MAX: variants seen among roughly 807,000 people sequenced by gnomAD.
MAX encodes the protein MYC associated transcriptional regulator X, also known as protein max.
Under a neutral mutation model 22.3 loss-of-function variants are expected in MAX, and 3 were observed. The ratio of observed to expected loss-of-function variants is 0.13; its 90% confidence interval spans 0.06 to 0.35. The LOEUF (loss-of-function observed/expected upper bound fraction) is 0.35, where lower values mean the gene tolerates loss of function less well. MAX is among the 10% of genes least tolerant of loss of function. MAX has a pLI of 1.00. For missense variants in MAX, 119 were observed against 209.4 expected (o/e 0.57, Z 2.66); for synonymous variants, 72 against 77.7 (o/e 0.93, Z 0.39).
At chr14:65,101,748 G>A in intron 1 of MAX, 176 bp from the exon 2 acceptor site, 4 of 595,000 alleles carry the variant, frequency 6.7e-6, no homozygotes, top group South Asian at 2.0e-5. Flanking sequence ...GGCGGGATCC[G>A]GTAGCAGGGT....
chr14:65,047,837 G>A lies in MAX; in HGVS notation c.172-41553C>T, dbSNP rs2062516665. Among the ~76,000 whole-genome samples the A allele has an allele frequency of 6.6e-6, 1 of 152,152 alleles. No individual in the cohort carries two copies. The highest frequency in any genetic ancestry group is 6.5e-5 in the Admixed American group (1 of 15,270). On this transcript the variant is annotated intron_variant, in intron 3 of 3. Coordinates refer to the MAX transcript ENST00000341653. The surrounding 1 kb of genome is among the most constrained non-coding windows in gnomAD (Gnocchi z 5.2). Reference sequence around the variant, plus strand: ...CAAGATACAACATGAAGTGTAAGGGGGCGGGGCCTGGAGCAGTGCCTGGGC... The same window carrying A: ...CAAGATACAACATGAAGTGTAAGGGAGCGGGGCCTGGAGCAGTGCCTGGGC...
At chr14:65,083,588 A>G (rs2063250461) in intron 3 of MAX, among the ~76,000 whole-genome samples, 1 of 152,148 alleles carries the variant, frequency 6.6e-6, no homozygotes, top group East Asian at 1.9e-4. Context: ...CTAGGGTCCC[A>G]ATGCTGACGT....
intron 2 of MAX, among the ~76,000 whole-genome samples, chr14:65,094,730 G>T (rs917645626): frequency 2.6e-5 from 4 of 152,238 alleles, no homozygotes; most frequent in African/African-American, 9.6e-5. Context: ...AAGAGATAGC[G>T]CTGGAGAGCA....
downstream of MAX, among the ~76,000 whole-genome samples, chr14:65,074,604 C>A (rs1308008695): frequency 2.6e-5 from 4 of 152,218 alleles, no homozygotes; most frequent in African/African-American, 9.6e-5. Context: ...ATTCCTTTTT[C>A]TTCCAAGGTC....
At chr14:65,020,733 CTTTT>C (rs71123901) in intron 3 of MAX, among the ~76,000 whole-genome samples, 1 of 123,340 alleles carries the variant, frequency 8.1e-6, no homozygotes, top group Non-Finnish European at 1.7e-5. Flanking sequence ...CGCGCCCGGC[CTTTT>C]TTTTTTTTTT....
In MAX at chr14:65,079,643, A is replaced by T. The variant is rs7143495; in HGVS notation, c.172-1607T>A. 6.6e-6 allele frequency among the ~76,000 whole-genome samples: 1 copy of T among 152,056 alleles called. No homozygotes were observed. On this transcript the variant is annotated intron_variant, in intron 3 of 4. Transcript: ENST00000358664. This position sits in a 1 kb window ranked among gnomAD's most constrained non-coding sequence, Gnocchi z 4.5. ...GGTAGGGAGTGCTTGACAATTCTGT[A>T]TTACAAGCCCAATGGGTCCTAAACA...
chr14:65,012,307 G>T lies in MAX; in HGVS notation c.172-6023C>A, dbSNP rs374323719. The T allele has an allele frequency of 9.3e-6, 15 of 1,613,896 alleles. No homozygotes were observed. The highest frequency in any genetic ancestry group is 1.3e-5 in the Non-Finnish European group (15 of 1,179,910). On this transcript the variant is annotated intron_variant, in intron 3 of 3. Coordinates refer to the MAX transcript ENST00000341653. This position sits in a 1 kb window ranked among gnomAD's most constrained non-coding sequence, Gnocchi z 5.0. ...ATTAGAATGGGCTTATAAACTGTTT[G>T]TCTTTCCAGGCTTGTTTTGCAGAGG...
At position 65,078,526 on chromosome 14, in the gene MAX, TG is replaced by T. The variant is rs1179130384; in HGVS notation, c.172-491del. ...GCGCCCAGCCTGTTGTTGTTGTTGT[TG>T]TTGTTGTTTTTTTTTTTTTGGAGAC... On this transcript the variant is annotated intron_variant, in intron 3 of 4. Transcript: ENST00000358664. The surrounding 1 kb of genome is among the most constrained non-coding windows in gnomAD (Gnocchi z 6.4). 2.5e-4 allele frequency among the ~76,000 whole-genome samples: 38 copies of T among 150,016 alleles called. No individual in the cohort carries two copies. Among genetic ancestry groups the T allele is most frequent in the East Asian group, 7.9e-4 (4 of 5,044 alleles).
intron 3 of MAX, among the ~76,000 whole-genome samples, chr14:65,066,390 G>A (rs944543957): frequency 5.3e-5 from 8 of 152,116 alleles, no homozygotes; most frequent in Non-Finnish European, 8.8e-5. Context: ...CCACCAGCTG[G>A]GGAACTGGGG....
chr14:65,012,279 G>A lies in MAX; in HGVS notation c.172-5995C>T, dbSNP rs764929884. On this transcript the variant is annotated intron_variant, in intron 3 of 3. Transcript: ENST00000341653. This position sits in a 1 kb window ranked among gnomAD's most constrained non-coding sequence, Gnocchi z 5.0. ...ATACGTGTGTATGGTGGAAGCATAA[G>A]CTATTAGAATGGGCTTATAAACTGT... is the stretch of plus-strand genomic sequence containing the variant. 3 of 1,613,140 alleles carry A rather than the reference G, an allele frequency of 1.9e-6. No homozygotes were observed. Among genetic ancestry groups the A allele is most frequent in the Admixed American group, 3.3e-5 (2 of 59,974 alleles).
In MAX at chr14:65,046,024, G is replaced by C. The variant is rs375113036; in HGVS notation, c.172-39740C>G. On this transcript the variant is annotated intron_variant, in intron 3 of 3. Coordinates refer to the MAX transcript ENST00000341653. ...TTTTTTGAGACGGAGTTTCACTCTT[G>C]TTGCCCAGGCCGGAGTGCAATGGAT... Among the ~76,000 whole-genome samples, 33 of 152,156 alleles carry C rather than the reference G, an allele frequency of 2.2e-4. No individual in the cohort carries two copies. In the East Asian group the frequency reaches 3.5e-3, roughly 16 times the overall value.
chr14:65,014,666 T>C lies in MAX; in HGVS notation c.172-8382A>G, dbSNP rs756057012. On this transcript the variant is annotated intron_variant, in intron 3 of 3. Transcript: ENST00000341653. The surrounding 1 kb of genome is among the most constrained non-coding windows in gnomAD (Gnocchi z 5.1). ...CTGTCTCTATAAAAACTTAAAAAAT[T>C]AGCCAGGCATAGTGGTGTGTGCCCG... Among the ~76,000 whole-genome samples, 3 of 152,030 alleles carry C rather than the reference T, an allele frequency of 2.0e-5. No individual in the cohort carries two copies. Among genetic ancestry groups the C allele is most frequent in the Admixed American group, 6.6e-5 (1 of 15,244 alleles).
chr14:65,053,279 C>A, intron 3 of MAX: 1 of 1,463,428 alleles, frequency 6.8e-7, no homozygotes, highest in Admixed American at 2.3e-5. Context: ...GTTCCATCAG[C>A]AGGCCCTGCA....
chr14:65,010,040 C>T lies in MAX; in HGVS notation c.172-3756G>A, dbSNP rs866398376. ...ACTGAGTCTGGCCTTCTCTTGTTTA[C>T]AATTTGCCTTCACCTCTGCTCTGAA... On this transcript the variant is annotated intron_variant, in intron 3 of 3. Transcript: ENST00000341653. Among the ~76,000 whole-genome samples the T allele has an allele frequency of 8.5e-5, 13 of 152,238 alleles. No homozygotes were observed. The Middle Eastern group carries it at 0.01, about 119-fold the overall frequency.
intron 3 of MAX, among the ~76,000 whole-genome samples, chr14:65,060,713 A>T (rs1038405645): frequency 2.8e-5 from 4 of 141,252 alleles, no homozygotes; most frequent in Admixed American, 2.1e-4. Flanking sequence ...AAAAAAAAAA[A>T]AATACAAAAA....
chr14:65,072,845 T>C (rs990811902), downstream of MAX, among the ~76,000 whole-genome samples: 2 of 152,244 alleles, frequency 1.3e-5, no homozygotes, highest in African/African-American at 4.8e-5. Flanking sequence ...TGCTTTAGTC[T>C]CGAAGAGTTT....
chr14:65,051,535 C>T (rs943401871), intron 3 of MAX, among the ~76,000 whole-genome samples: 13 of 151,648 alleles, frequency 8.6e-5, no homozygotes, highest in East Asian at 5.9e-4. Context: ...CGCTTGAACC[C>T]GGGAGGCGGA....
intron 3 of MAX, among the ~76,000 whole-genome samples, chr14:65,020,758 G>C (rs1424146418): frequency 8.3e-6 from 1 of 120,056 alleles, no homozygotes; most frequent in Non-Finnish European, 1.7e-5. Flanking sequence ...TTGAGACGGA[G>C]TTTTGCTCTT....
downstream of MAX, among the ~76,000 whole-genome samples, chr14:65,070,418 C>T (rs577129637): frequency 1.6e-3 from 251 of 152,260 alleles, 5 homozygotes; most frequent in South Asian, 0.05. The surrounding 1 kb of genome is among the most constrained non-coding windows in gnomAD (Gnocchi z 4.4). Flanking sequence ...TTGCCCAGAG[C>T]AGGCTGTGGG....
Sources: gnomAD v4.1 joint callset for allele counts (sites outside exome capture counted in the v4.1 genomes callset) on GRCh38, gnomAD v4.1.1 for gene constraint, Gnocchi (gnomAD v3.1) non-coding constraint, MANE v1.5 for transcripts, NCBI Gene and HGNC (gene_info 2026-07-23, HGNC 2026-07-21) for gene names.